Variants in MYO10 observed in about 807,000 individuals in gnomAD.
MYO10 encodes the protein myosin X.
Under a neutral mutation model 257.3 loss-of-function variants are expected in MYO10, and 133 were observed. That is an observed-to-expected ratio of 0.52 (90% confidence interval 0.45 to 0.60). The LOEUF is 0.60. Ranked by LOEUF, MYO10 falls within the 20% of genes least tolerant of loss-of-function variation. The probability of loss-of-function intolerance (pLI) is 0.00; values close to 1 mark genes in which losing one functional copy is unlikely to be tolerated. For missense variants in MYO10, 2,399 were observed against 2,635.7 expected (o/e 0.91, Z 1.97); for synonymous variants, 1,104 against 1,028.6 (o/e 1.07, Z -1.40).
At chr5:16,676,366 C>T (rs1224831071) in intron 33 of MYO10, among the ~76,000 whole-genome samples, 8 of 152,130 alleles carry the variant, frequency 5.3e-5, no homozygotes, top group South Asian at 2.1e-4. Context: ...TTTTCTCGTG[C>T]GTGTACTTCC....
chr5:16,680,147 C>A (rs748859641), intron 32 of MYO10, 43 bp from the exon 33 acceptor site: 44 of 1,584,868 alleles, frequency 2.8e-5, no homozygotes, highest in Middle Eastern at 4.3e-4. Flanking sequence ...TCAACGCCAA[C>A]CTCGGGGACT....
chr5:16,682,976 A>C (rs1427204893), intron 30 of MYO10, among the ~76,000 whole-genome samples: 1 of 152,046 alleles, frequency 6.6e-6, no homozygotes, highest in Non-Finnish European at 1.5e-5. Flanking sequence ...AAACTCACAT[A>C]CCAGAATAAG....
At chr5:16,708,321 G>A (rs1738435849) in intron 21 of MYO10, among the ~76,000 whole-genome samples, 1 of 152,158 alleles carries the variant, frequency 6.6e-6, no homozygotes, top group Non-Finnish European at 1.5e-5. Context: ...TTCATCCACT[G>A]TGTGTGAATA....
chr5:16,886,306 T>C (rs1467572454), intron 1 of MYO10, among the ~76,000 whole-genome samples: 1 of 152,152 alleles, frequency 6.6e-6, no homozygotes, highest in Non-Finnish European at 1.5e-5. Flanking sequence ...ATGTGTGGTT[T>C]GAGAGTCCCG....
At chr5:16,763,416 C>T in intron 14 of MYO10, 65 bp downstream of exon 14, 1 of 1,280,484 alleles carries the variant, frequency 7.8e-7, no homozygotes, top group South Asian at 1.2e-5. Context: ...ATTTTGTTCC[C>T]ATAAATATGA....
rs749267676 is a variant in MYO10, at chr5:16,685,835, T to TG, written c.3897-5dup. The stretch of plus-strand genomic sequence containing the variant: ...ACTCAGCACGCTGAACCACTGGCTG[T>TG]GGGGAAGAGAGAGCAACTGTCAAGG... On this transcript the variant is annotated splice_region_variant and splice_polypyrimidine_tract_variant and intron_variant, in intron 28 of 40. Coordinates refer to ENST00000513610, the MANE Select transcript of MYO10 (RefSeq NM_012334.3). The TG allele has an allele frequency of 4.5e-5, 72 of 1,586,510 alleles. No individual in the cohort carries two copies. The East Asian group carries it at 1.6e-3, about 35-fold the overall frequency.
chr5:16,852,413 T>C (rs1216159911), intron 2 of MYO10, among the ~76,000 whole-genome samples: 1 of 152,096 alleles, frequency 6.6e-6, no homozygotes, highest in East Asian at 1.9e-4. Context: ...TTATTTTCAG[T>C]TTTTATCCTA....
chr5:16,852,050 C>CAAA lies in MYO10; in HGVS notation c.120+25556_120+25558dup, dbSNP rs70943811. On this transcript the variant is annotated intron_variant, in intron 2 of 40. Transcript: ENST00000513610. ...TGGGTGACAAAGCAAGACTCCATCTCAAAAAAAAAAAAAAAAAAAAAAAAA... is the reference window on the plus strand; with the variant it reads ...TGGGTGACAAAGCAAGACTCCATCTCAAAAAAAAAAAAAAAAAAAAAAAAAAAA... Among the ~76,000 whole-genome samples the CAAA allele has an allele frequency of 1.5e-3, 63 of 42,570 alleles. 6 individuals are homozygous for CAAA. The highest frequency in any genetic ancestry group is 4.1e-3 in the African/African-American group (56 of 13,502). The allele number at this position is 42,570 out of a possible 152,430, so 27.9% of individuals were successfully genotyped here. A position where few individuals can be genotyped will look rare whatever the true frequency, so the allele number is the denominator to read the frequency against.
chr5:16,755,178 T>G (rs1213811996), intron 18 of MYO10, among the ~76,000 whole-genome samples: 2 of 152,240 alleles, frequency 1.3e-5, no homozygotes, highest in African/African-American at 2.4e-5. Context: ...ATTTATTTAT[T>G]TATTTGAGAC....
At chr5:16,838,274 G>A (rs953549994) in intron 2 of MYO10, among the ~76,000 whole-genome samples, 2 of 152,142 alleles carry the variant, frequency 1.3e-5, no homozygotes, top group Non-Finnish European at 2.9e-5. Flanking sequence ...AATTCTTGAA[G>A]GAAAATTTCT....
At chr5:16,902,307 G>C (rs574087445) in intron 1 of MYO10, 1 of 830,516 alleles carries the variant, frequency 1.2e-6, no homozygotes, top group African/African-American at 1.7e-5. Flanking sequence ...CATGGGCTTT[G>C]GTAGGGGACA....
intron 19 of MYO10, among the ~76,000 whole-genome samples, chr5:16,739,429 T>C (rs1739934520): frequency 6.6e-6 from 1 of 152,228 alleles, no homozygotes; most frequent in South Asian, 2.1e-4. Context: ...GTTATACACA[T>C]TGGATATATA....
At chr5:16,714,763 C>T (rs576872462) in intron 19 of MYO10, among the ~76,000 whole-genome samples, 1 of 152,266 alleles carries the variant, frequency 6.6e-6, no homozygotes, top group East Asian at 1.9e-4. Flanking sequence ...GCAGAGCTTG[C>T]AGTGAGCCAA....
At position 16,904,726 on chromosome 5, in the gene MYO10, G is replaced by A. The variant is rs180922540; in HGVS notation, c.22-27019C>T. 3.5e-3 allele frequency among the ~76,000 whole-genome samples: 526 copies of A among 152,196 alleles called. 5 individuals carry two copies. The highest frequency in any genetic ancestry group is 0.012 in the African/African-American group (502 of 41,534). On this transcript the variant is annotated intron_variant, in intron 1 of 40. Transcript: ENST00000513610. Reference sequence around the variant, plus strand: ...GGGCAGATCAAGAAGTCAGGAGATCGAGACCATCCTGGCTAACACGGTGAA... The same window carrying A: ...GGGCAGATCAAGAAGTCAGGAGATCAAGACCATCCTGGCTAACACGGTGAA...
intron 1 of MYO10, among the ~76,000 whole-genome samples, chr5:16,924,400 C>G (rs1746075122): frequency 6.6e-6 from 1 of 152,096 alleles, no homozygotes; most frequent in African/African-American, 2.4e-5. Flanking sequence ...TCCCCGGGGT[C>G]ATAAATACAT....
chr5:16,725,078 CTTTTTTTTT>C (rs34100971), intron 19 of MYO10, among the ~76,000 whole-genome samples: 8 of 74,890 alleles, frequency 1.1e-4, no homozygotes, highest in Non-Finnish European at 1.9e-4. Context: ...CCTTCTTCTT[CTTTTTTTTT>C]TTTTTTTTTT....
At chr5:16,935,509 G>T (rs1746413507) in intron 1 of MYO10, among the ~76,000 whole-genome samples, 1 of 152,062 alleles carries the variant, frequency 6.6e-6, no homozygotes, top group Non-Finnish European at 1.5e-5. Flanking sequence ...CACCTGGCGC[G>T]GGTGTCCCAG....
At chr5:16,787,848 A>G (rs925528602) in intron 4 of MYO10, among the ~76,000 whole-genome samples, 1 of 152,054 alleles carries the variant, frequency 6.6e-6, no homozygotes, top group Non-Finnish European at 1.5e-5. Context: ...CCCAGGCTGG[A>G]GTGCAGTGGC....
intron 2 of MYO10, among the ~76,000 whole-genome samples, chr5:16,868,421 G>A (rs1337821831): frequency 2.6e-5 from 4 of 152,124 alleles, no homozygotes; most frequent in Non-Finnish European, 4.4e-5. Context: ...TGGCTAACAC[G>A]GTGAAACCCC....
Sources: allele counts gnomAD v4.1 joint callset (sites outside exome capture counted in the v4.1 genomes callset), GRCh38; gene constraint gnomAD v4.1.1; transcripts MANE v1.5; gene names NCBI Gene and HGNC (gene_info 2026-07-23, HGNC 2026-07-21).